The following FAF1 variants were observed in gnomAD, a reference collection of about 807,000 sequenced individuals.
FAF1 encodes the protein FAS-associated factor 1.
A neutral mutation model predicts 92.5 loss-of-function variants in FAF1; 25 were observed. That is an observed-to-expected ratio of 0.27 (90% CI 0.20 to 0.38). The LOEUF is 0.38. Ranked by LOEUF, FAF1 falls within the 10% of genes least tolerant of loss-of-function variation. FAF1 has a pLI of 1.00. For synonymous variants in FAF1, 234 were observed against 273.2 expected, an observed-to-expected ratio of 0.86 and a Z score of 1.42; for missense variants, 636 against 793.3, an observed-to-expected ratio of 0.80 and a Z score of 2.38.
At chr1:50,818,816 G>A (rs545868238) in intron 2 of FAF1, among the ~76,000 whole-genome samples, 18 of 151,338 alleles carry the variant, frequency 1.2e-4, no homozygotes, top group East Asian at 5.8e-4. Context: ...CAGCCTGGGC[G>A]ACAGAGCGAG....
At chr1:50,658,279 C>T (rs900258348) in intron 7 of FAF1, among the ~76,000 whole-genome samples, 1 of 151,606 alleles carries the variant, frequency 6.6e-6, no homozygotes, top group South Asian at 2.1e-4. Context: ...ATATAACCAA[C>T]CTTATCAGCT....
chr1:50,553,620 T>C (rs1649414546), intron 13 of FAF1, among the ~76,000 whole-genome samples: 1 of 152,140 alleles, frequency 6.6e-6, no homozygotes, highest in Non-Finnish European at 1.5e-5. Flanking sequence ...ACAAACCTCC[T>C]CTAGAGCACT....
chr1:50,541,054 G>A (rs189599806), intron 13 of FAF1, among the ~76,000 whole-genome samples: 4 of 152,164 alleles, frequency 2.6e-5, no homozygotes, highest in East Asian at 1.9e-4. Flanking sequence ...AAAGACAAAC[G>A]GCATTAAAAT....
At chr1:50,797,800 G>A (rs992434089) in intron 3 of FAF1, among the ~76,000 whole-genome samples, 2 of 152,168 alleles carry the variant, frequency 1.3e-5, no homozygotes, top group East Asian at 1.9e-4. Flanking sequence ...GAGCTCAGGA[G>A]GAGTTCAAGT....
At chr1:50,596,082 G>C in intron 9 of FAF1, 39 bp downstream of exon 9, 1 of 1,381,598 alleles carries the variant, frequency 7.2e-7, no homozygotes, top group South Asian at 1.2e-5. Flanking sequence ...GGTGGGGGAT[G>C]GGCCTTCTGT....
intron 8 of FAF1, among the ~76,000 whole-genome samples, chr1:50,615,633 CAT>C (rs1288371095): frequency 5.3e-5 from 8 of 152,016 alleles, no homozygotes; most frequent in Non-Finnish European, 1.0e-4. Flanking sequence ...AGCATTTTTT[CAT>C]ATGTTTGTTA....
intron 6 of FAF1, among the ~76,000 whole-genome samples, chr1:50,707,276 T>C (rs1018994880): frequency 6.6e-6 from 1 of 151,734 alleles, no homozygotes; most frequent in African/African-American, 2.4e-5. Context: ...CACAGGTTAA[T>C]TGTAGACTAT....
intron 1 of FAF1, among the ~76,000 whole-genome samples, chr1:50,890,893 T>A (rs936214105): frequency 6.6e-6 from 1 of 152,212 alleles, no homozygotes; most frequent in African/African-American, 2.4e-5. Context: ...TTTCCTGAAT[T>A]TGAATGTTGG....
intron 3 of FAF1, among the ~76,000 whole-genome samples, chr1:50,796,162 A>G (rs377691432): frequency 1.3e-5 from 2 of 152,142 alleles, no homozygotes; most frequent in South Asian, 4.1e-4. Context: ...AGTATCAACT[A>G]TGGCCTTATG....
At chr1:50,547,468 C>T (rs1269954156) in intron 13 of FAF1, among the ~76,000 whole-genome samples, 2 of 151,382 alleles carry the variant, frequency 1.3e-5, no homozygotes, top group African/African-American at 4.9e-5. Flanking sequence ...GGCTGTAGTG[C>T]AACGGCGTGA....
At chr1:50,781,631 C>A (rs755781902) in intron 4 of FAF1, among the ~76,000 whole-genome samples, 4 of 152,164 alleles carry the variant, frequency 2.6e-5, no homozygotes, top group Non-Finnish European at 5.9e-5. Context: ...AAACTGAGGA[C>A]TTGAACAATG....
chr1:50,638,085 T>G (rs917940305), intron 8 of FAF1, among the ~76,000 whole-genome samples: 1 of 152,190 alleles, frequency 6.6e-6, no homozygotes, highest in Non-Finnish European at 1.5e-5. Context: ...CATATAAGTT[T>G]TCTAAAACCC....
intron 8 of FAF1, among the ~76,000 whole-genome samples, chr1:50,616,381 T>C (rs894028551): frequency 3.3e-5 from 5 of 152,200 alleles, no homozygotes; most frequent in African/African-American, 7.2e-5. Context: ...AAAAGTAACA[T>C]TGGTAGTTTG....
chr1:50,746,994 A>C (rs1455217933), intron 4 of FAF1, among the ~76,000 whole-genome samples: 2 of 152,178 alleles, frequency 1.3e-5, no homozygotes, highest in Non-Finnish European at 2.9e-5. Context: ...ACAGAATGCA[A>C]GAGTTGAGGC....
Position 50,857,995 on chromosome 1 carries a change from T to C in FAF1, c.48A>G (p.Ala16=), listed in dbSNP as rs552900703. ...CGTCAATGTTTTCAATGCCAGTACA[T>C]GCCTGGAAAGAAAGTAAATAAGCAT... ...DREMILADFQ[A]CTGIENIDEA... is the part of the protein sequence containing the mutation. The change falls in exon 2 of 19, where the codon GCA becomes GCG. Residue 16 remains alanine, a splice_region_variant and synonymous_variant. Coordinates refer to ENST00000396153, the MANE Select transcript of FAF1 (RefSeq NM_007051.3). The C allele has an allele frequency of 1.9e-6, 3 of 1,589,050 alleles. No homozygotes were observed. Among genetic ancestry groups the C allele is most frequent in the South Asian group, 2.3e-5 (2 of 86,660 alleles).
intron 8 of FAF1, among the ~76,000 whole-genome samples, chr1:50,624,152 C>T (rs1183641992): frequency 2.0e-5 from 3 of 152,046 alleles, no homozygotes; most frequent in Admixed American, 6.6e-5. Flanking sequence ...ACACAACTTT[C>T]GAACTTTTTT....
At chr1:50,902,487 T>C (rs1213672719) in intron 1 of FAF1, among the ~76,000 whole-genome samples, 1 of 152,214 alleles carries the variant, frequency 6.6e-6, no homozygotes, top group Non-Finnish European at 1.5e-5. Flanking sequence ...TCTTTAAAAG[T>C]AGGGCTACTT....
intron 12 of FAF1, among the ~76,000 whole-genome samples, chr1:50,577,158 T>G (rs1035591490): frequency 6.6e-6 from 1 of 152,228 alleles, no homozygotes; most frequent in African/African-American, 2.4e-5. Flanking sequence ...TTCTTCCTTC[T>G]GTTTAGAATT....
chr1:50,680,903 A>G (rs1460446156), intron 7 of FAF1, among the ~76,000 whole-genome samples: 1 of 152,156 alleles, frequency 6.6e-6, no homozygotes, highest in Non-Finnish European at 1.5e-5. Context: ...AGAACACTGA[A>G]GCATAGAATT....
Sources: allele counts gnomAD v4.1 joint callset (sites outside exome capture counted in the v4.1 genomes callset), GRCh38; gene constraint gnomAD v4.1.1; transcripts MANE v1.5; gene names NCBI Gene and HGNC (gene_info 2026-07-23, HGNC 2026-07-21).